The following SIAH3 variants were observed in gnomAD, a reference collection of about 807,000 sequenced individuals.
SIAH3 encodes the protein seven in absentia homolog 3.
In SIAH3, 9 loss-of-function variants were observed where a neutral mutation model predicts 12.6. The observed-to-expected ratio is 0.72, with a 90% CI of 0.43 to 1.25. The LOEUF (loss-of-function observed/expected upper bound fraction) is 1.25, where lower values mean the gene tolerates loss of function less well. Ranked by LOEUF, SIAH3 falls within the 50% of genes most tolerant of loss-of-function variation. The pLI, the probability that SIAH3 is intolerant of heterozygous loss-of-function variation, is 0.00. For missense variants in SIAH3, 390 were observed against 365.4 expected (o/e 1.07, Z -0.55); for synonymous variants, 154 against 151.1 (o/e 1.02, Z -0.14).
intron 1 of SIAH3, among the ~76,000 whole-genome samples, chr13:45,820,271 C>T (rs1158514247): frequency 6.6e-6 from 1 of 152,154 alleles, no homozygotes; most frequent in Non-Finnish European, 1.5e-5. Context: ...TCAAGAAGCT[C>T]CGTTGGCCGG....
intron 1 of SIAH3, among the ~76,000 whole-genome samples, chr13:45,849,917 A>C (rs1055424391): frequency 5.3e-5 from 8 of 152,246 alleles, no homozygotes; most frequent in Non-Finnish European, 7.3e-5. Context: ...AAATAATGGA[A>C]GTTTGAATGC....
intron 1 of SIAH3, among the ~76,000 whole-genome samples, chr13:45,784,398 G>GTTTTTTT (rs35686357): frequency 7.6e-5 from 5 of 65,836 alleles, no homozygotes; most frequent in African/African-American, 3.3e-4. Flanking sequence ...AAAGACAGCT[G>GTTTTTTT]TTTTTTTTTT....
intron 1 of SIAH3, among the ~76,000 whole-genome samples, chr13:45,826,991 C>G (rs917221224): frequency 6.6e-6 from 1 of 152,150 alleles, no homozygotes; most frequent in African/African-American, 2.4e-5. Context: ...ACAGTTTTAA[C>G]GGCCTGCCCA....
rs1328947983 is a variant in SIAH3 at position 45,783,731 on chromosome 13, A to G, written c.462T>C (p.Ala154=). ...LATDMHLPAP[A]DWIIMHSCLG... ...GGCAGGAGTGCATGATGATCCAATC[A>G]GCCGGCGCGGGGAGGTGCATGTCCG... Residue 154 remains alanine (A), a synonymous_variant, in exon 2 of 2, where the codon GCT becomes GCC. Coordinates refer to ENST00000400405, the MANE Select transcript of SIAH3 (RefSeq NM_198849.3). The G allele has an allele frequency of 6.2e-7, 1 of 1,614,162 alleles. No individual in the cohort carries two copies. The highest frequency in any genetic ancestry group is 1.7e-5 in the Admixed American group (1 of 60,018).
intron 1 of SIAH3, among the ~76,000 whole-genome samples, chr13:45,833,205 A>C (rs9634793): frequency 0.47 from 72,122 of 152,038 alleles, 17,575 homozygotes; most frequent in Admixed American, 0.61. Context: ...ATGCTCATAG[A>C]AGGTGCTCAA....
At chr13:45,824,246 G>T (rs1442268468) in intron 1 of SIAH3, among the ~76,000 whole-genome samples, 1 of 152,300 alleles carries the variant, frequency 6.6e-6, no homozygotes, top group East Asian at 1.9e-4. Context: ...TCCTTTTAGT[G>T]CCAAACCCTT....
At chr13:45,851,153 C>T (rs1950779847) in intron 1 of SIAH3, among the ~76,000 whole-genome samples, 1 of 152,104 alleles carries the variant, frequency 6.6e-6, no homozygotes, top group Non-Finnish European at 1.5e-5. Context: ...AGCACTTGCC[C>T]ACAAATAGTA....
chr13:45,842,039 C>T (rs923390537), intron 1 of SIAH3, among the ~76,000 whole-genome samples: 3 of 152,198 alleles, frequency 2.0e-5, no homozygotes, highest in African/African-American at 7.2e-5. Context: ...ACTTCATCCC[C>T]TTGAGCCACA....
chr13:45,817,891 C>A (rs1238551268), intron 1 of SIAH3, among the ~76,000 whole-genome samples: 1 of 152,194 alleles, frequency 6.6e-6, no homozygotes, highest in African/African-American at 2.4e-5. Context: ...ACCTGCTGTG[C>A]CCCTTTTGCT....
intron 1 of SIAH3, among the ~76,000 whole-genome samples, chr13:45,838,343 C>T (rs746722997): frequency 4.6e-5 from 7 of 152,164 alleles, no homozygotes; most frequent in Non-Finnish European, 8.8e-5. Flanking sequence ...GAGAGCAGCG[C>T]GTTTCTGGCA....
rs577695643 is a variant in SIAH3 at position 45,787,698 on chromosome 13, G to A, written c.136-3641C>T. ...CTGGTGGAGATGGAGAGGAGATGTC[G>A]GGTCATATTGCCCAGGCCTTGTAAG... On this transcript the variant is annotated intron_variant, in intron 1 of 1. Transcript: ENST00000400405. 2.3e-4 allele frequency among the ~76,000 whole-genome samples: 35 copies of A among 152,260 alleles called. No individual in the cohort carries two copies. In the South Asian group the frequency reaches 6.6e-3, roughly 29 times the overall value.
intron 1 of SIAH3, among the ~76,000 whole-genome samples, chr13:45,832,277 C>T (rs1292275934): frequency 1.3e-5 from 2 of 152,178 alleles, no homozygotes; most frequent in African/African-American, 2.4e-5. Flanking sequence ...ATTTGTGTGA[C>T]CATCGCCACT....
intron 1 of SIAH3, among the ~76,000 whole-genome samples, chr13:45,826,779 T>A (rs1950679466): frequency 6.6e-6 from 1 of 152,082 alleles, no homozygotes; most frequent in Non-Finnish European, 1.5e-5. Context: ...AGTTGTGGGT[T>A]CCCTAAAATA....
chr13:45,807,596 G>A (rs142808102), intron 1 of SIAH3, among the ~76,000 whole-genome samples: 4 of 152,202 alleles, frequency 2.6e-5, no homozygotes, highest in East Asian at 1.9e-4. Context: ...TTCCCCATTC[G>A]TCTAGAGAGG....
At chr13:45,790,885 AAAATCACTAGT>A (rs1950543692) in intron 1 of SIAH3, among the ~76,000 whole-genome samples, 1 of 152,224 alleles carries the variant, frequency 6.6e-6, no homozygotes, top group African/African-American at 2.4e-5. Flanking sequence ...CTTGCATTGA[AAAATCACTAGT>A]TATGGCCAGG....
chr13:45,805,009 C>A (rs549126261), intron 1 of SIAH3, among the ~76,000 whole-genome samples: 226 of 134,304 alleles, frequency 1.7e-3, no homozygotes, highest in African/African-American at 5.9e-3. Flanking sequence ...CACACACACA[C>A]AAAATACTTT....
At chr13:45,788,582 T>G (rs1593375208) in intron 1 of SIAH3, among the ~76,000 whole-genome samples, 2 of 152,282 alleles carry the variant, frequency 1.3e-5, no homozygotes, top group South Asian at 4.1e-4. Context: ...CCGCTGAGGG[T>G]GTAATTGAAT....
intron 1 of SIAH3, among the ~76,000 whole-genome samples, chr13:45,785,988 A>C (rs1950526581): frequency 1.3e-5 from 2 of 152,240 alleles, no homozygotes; most frequent in Non-Finnish European, 2.9e-5. Context: ...TATGGAAAGG[A>C]GGTATTTTTA....
intron 1 of SIAH3, among the ~76,000 whole-genome samples, chr13:45,822,782 C>G (rs953168991): frequency 1.3e-5 from 2 of 151,918 alleles, no homozygotes; most frequent in South Asian, 2.1e-4. Context: ...AAGACAGAAA[C>G]TCATCATTGT....
Sources: gnomAD v4.1 joint callset for allele counts (sites outside exome capture counted in the v4.1 genomes callset) on GRCh38, gnomAD v4.1.1 for gene constraint, MANE v1.5 for transcripts, NCBI Gene and HGNC (gene_info 2026-07-23, HGNC 2026-07-21) for gene names.